The following HS6ST3 variants were observed in gnomAD, a reference collection of about 807,000 sequenced individuals.
HS6ST3 encodes the protein heparan-sulfate 6-O-sulfotransferase 3.
Under a neutral mutation model 36.7 loss-of-function variants are expected in HS6ST3, and 12 were observed. The ratio of observed to expected loss-of-function variants is 0.33; its 90% confidence interval spans 0.21 to 0.53. The LOEUF (loss-of-function observed/expected upper bound fraction) is 0.53. Among genes scored for constraint, HS6ST3 ranks in the 20% least tolerant of loss-of-function variants. HS6ST3 has a pLI of 0.95. For missense variants in HS6ST3, 584 were observed against 640.9 expected, an observed-to-expected ratio of 0.91 and a Z score of 0.96; for synonymous variants, 240 against 257.5, an observed-to-expected ratio of 0.93 and a Z score of 0.65.
chr13:96,238,345 T>C (rs1303059371), intron 1 of HS6ST3, among the ~76,000 whole-genome samples: 1 of 152,218 alleles, frequency 6.6e-6, no homozygotes, highest in East Asian at 1.9e-4. Flanking sequence ...GCACCCAGTC[T>C]TGCCACTTTT....
chr13:96,756,402 C>G (rs2138496429), intron 1 of HS6ST3, among the ~76,000 whole-genome samples: 1 of 152,148 alleles, frequency 6.6e-6, no homozygotes, highest in South Asian at 2.1e-4. Context: ...CTTAGTGTCT[C>G]TTGAATATGA....
intron 1 of HS6ST3, among the ~76,000 whole-genome samples, chr13:96,614,036 C>A (rs190612450): frequency 1.2e-3 from 175 of 152,056 alleles, no homozygotes; most frequent in African/African-American, 4.0e-3. Flanking sequence ...CGGTGGCTCA[C>A]CCCTGTAATT....
intron 1 of HS6ST3, among the ~76,000 whole-genome samples, chr13:96,260,247 CT>C (rs2054657653): frequency 6.7e-6 from 1 of 148,858 alleles, no homozygotes; most frequent in South Asian, 2.1e-4. Flanking sequence ...TCCTTCCTTC[CT>C]TCCTTCCTTC....
intron 1 of HS6ST3, among the ~76,000 whole-genome samples, chr13:96,278,805 G>C (rs906227191): frequency 1.3e-5 from 2 of 152,190 alleles, no homozygotes; most frequent in Non-Finnish European, 2.9e-5. Context: ...GATTTGAGCA[G>C]TATTTTAGAG....
rs192506118 is a variant in HS6ST3 at position 96,283,970 on chromosome 13, G to A, written c.707+192401G>A. ...ATAAGTGTTGTCTTACTCTAAAATT[G>A]ATAGTTTGCTTATTAAATGCCAGCA... is the stretch of plus-strand genomic sequence containing the variant. On this transcript the variant is annotated intron_variant, in intron 1 of 1. Coordinates refer to ENST00000376705, the MANE Select transcript of HS6ST3 (RefSeq NM_153456.4). Among the ~76,000 whole-genome samples, 5 of 152,246 alleles carry A rather than the reference G, an allele frequency of 3.3e-5. No homozygotes were observed. The South Asian group carries it at 8.3e-4, about 25-fold the overall frequency.
chr13:96,092,526 A>G (rs1346078395), intron 1 of HS6ST3, among the ~76,000 whole-genome samples: 1 of 152,256 alleles, frequency 6.6e-6, no homozygotes, highest in Admixed American at 6.5e-5. Flanking sequence ...TTTGAAGATT[A>G]ATCTGACATG....
intron 1 of HS6ST3, among the ~76,000 whole-genome samples, chr13:96,583,567 G>T (rs1249004136): frequency 6.6e-6 from 1 of 151,994 alleles, no homozygotes; most frequent in Non-Finnish European, 1.5e-5. Flanking sequence ...TGATCATCTA[G>T]TCCATGCGTT....
chr13:96,108,633 C>G (rs2053853571), intron 1 of HS6ST3, among the ~76,000 whole-genome samples: 1 of 152,158 alleles, frequency 6.6e-6, no homozygotes, highest in African/African-American at 2.4e-5. Context: ...CTTTTGTACT[C>G]TTTCCCTTTA....
At chr13:96,223,688 A>G (rs2054466859) in intron 1 of HS6ST3, among the ~76,000 whole-genome samples, 1 of 151,818 alleles carries the variant, frequency 6.6e-6, no homozygotes, top group African/African-American at 2.4e-5. Context: ...TTTTATTTTC[A>G]GGTTATTTCT....
chr13:96,301,369 G>C (rs1225050743), intron 1 of HS6ST3, among the ~76,000 whole-genome samples: 1 of 152,106 alleles, frequency 6.6e-6, no homozygotes, highest in Non-Finnish European at 1.5e-5. Context: ...GATGAACTAG[G>C]AACATTCTTT....
chr13:96,192,001 A>G (rs2054290654), intron 1 of HS6ST3, among the ~76,000 whole-genome samples: 2 of 152,062 alleles, frequency 1.3e-5, no homozygotes, highest in South Asian at 4.2e-4. Flanking sequence ...GAGCCACACA[A>G]CCCCAGAGTT....
At chr13:96,682,678 T>C (rs2056722449) in intron 1 of HS6ST3, among the ~76,000 whole-genome samples, 1 of 152,136 alleles carries the variant, frequency 6.6e-6, no homozygotes, top group Non-Finnish European at 1.5e-5. Context: ...GGTGAATTCA[T>C]GGTGGAAACC....
intron 1 of HS6ST3, among the ~76,000 whole-genome samples, chr13:96,560,369 T>A (rs571190897): frequency 4.6e-5 from 7 of 152,262 alleles, no homozygotes; most frequent in African/African-American, 1.4e-4. Context: ...TCATACACTA[T>A]GCCTCACAAT....
At chr13:96,332,556 G>A (rs1472775379) in intron 1 of HS6ST3, among the ~76,000 whole-genome samples, 1 of 152,106 alleles carries the variant, frequency 6.6e-6, no homozygotes, top group East Asian at 1.9e-4. Context: ...TGTTTTAGGT[G>A]GACTTTTTGT....
chr13:96,249,117 G>T, intron 1 of HS6ST3, among the ~76,000 whole-genome samples: 1 of 151,968 alleles, frequency 6.6e-6, no homozygotes, highest in East Asian at 1.9e-4. Context: ...CCAGCCTTTG[G>T]GGAGACAAAG....
At position 96,091,093 on chromosome 13, in the gene HS6ST3, GC is replaced by G. The variant is rs1449340913; in HGVS notation, c.237del (p.Glu80ArgfsTer52). On this transcript the variant is annotated frameshift_variant, in exon 1 of 2. Coordinates refer to ENST00000376705, the MANE Select transcript of HS6ST3 (RefSeq NM_153456.4). LOFTEE classifies it high-confidence loss of function. ...CCCAGTTGCCCCCGCCGCCCCGGGG[GC>G]CCCCCGAGGGACCTCGGGGGGCCGC... is the stretch of plus-strand genomic sequence containing the variant. The part of the protein sequence containing the change: ...RPQLPPPPRG[P>X]PEGPRGAAAP... 6 of 1,304,774 alleles carry G rather than the reference GC, an allele frequency of 4.6e-6. No homozygotes were observed. The highest frequency in any genetic ancestry group is 4.1e-5 in the Admixed American group (1 of 24,340). 80.8% of individuals were successfully genotyped at this position (1,304,774 alleles called of 1,614,324 possible). A position where few individuals can be genotyped will look rare whatever the true frequency, so the allele number is the denominator to read the frequency against.
chr13:96,613,617 A>G (rs551375952), intron 1 of HS6ST3, among the ~76,000 whole-genome samples: 3 of 152,358 alleles, frequency 2.0e-5, no homozygotes, highest in African/African-American at 7.2e-5. Flanking sequence ...TTTTAATTCA[A>G]TCACTATGTA....
chr13:96,347,997 T>G (rs1033223839), intron 1 of HS6ST3, among the ~76,000 whole-genome samples: 14 of 152,222 alleles, frequency 9.2e-5, no homozygotes, highest in Non-Finnish European at 1.8e-4. Context: ...TAGCACACTC[T>G]TTGGCATAGA....
intron 1 of HS6ST3, among the ~76,000 whole-genome samples, chr13:96,141,158 G>A (rs752682079): frequency 2.0e-5 from 3 of 152,296 alleles, no homozygotes; most frequent in Non-Finnish European, 4.4e-5. Context: ...TGCAAATGCA[G>A]TCGGGTTTGT....
Sources: allele counts gnomAD v4.1 joint callset (sites outside exome capture counted in the v4.1 genomes callset), GRCh38; gene constraint gnomAD v4.1.1; transcripts MANE v1.5; gene names NCBI Gene and HGNC (gene_info 2026-07-23, HGNC 2026-07-21).